KIF13B: variants seen among roughly 807,000 people sequenced by gnomAD.
The protein encoded by KIF13B is kinesin-like protein KIF13B.
KIF13B carries 127 observed loss-of-function variants against 222.0 expected under a neutral mutation model. The ratio of observed to expected loss-of-function variants is 0.57; its 90% CI spans 0.50 to 0.66. KIF13B has a LOEUF of 0.66. KIF13B is among the 30% of genes least tolerant of loss of function. KIF13B has a pLI of 0.00. For synonymous variants in KIF13B, 976 were observed against 919.0 expected (o/e 1.06, Z -1.12); for missense variants, 2,173 against 2,379.0 (o/e 0.91, Z 1.80).
rs185174132 is a variant in KIF13B at position 29,197,512 on chromosome 8, C to T, written c.150-1313G>A. Among the ~76,000 whole-genome samples the T allele has an allele frequency of 1.1e-4, 16 of 150,964 alleles. No individual in the cohort carries two copies. In the East Asian group the frequency reaches 3.1e-3, roughly 29 times the overall value. ...TTTTCTCCTTCTCCTTCCCTTTCCC[C>T]CAAGGATTTATATGAATAAATACAC... On this transcript the variant is annotated intron_variant, in intron 2 of 39. Transcript: ENST00000524189.
intron 2 of KIF13B, among the ~76,000 whole-genome samples, chr8:29,231,288 T>C (rs2130586768): frequency 6.6e-6 from 1 of 152,326 alleles, no homozygotes; most frequent in South Asian, 2.1e-4. Flanking sequence ...AAATCTTACA[T>C]TCAGAGAAGG....
intron 8 of KIF13B, among the ~76,000 whole-genome samples, chr8:29,178,582 T>G (rs1446021958): frequency 6.6e-6 from 1 of 151,858 alleles, no homozygotes; most frequent in East Asian, 1.9e-4. Flanking sequence ...AAAATAGACA[T>G]TTATTTCCAT....
At chr8:29,205,896 A>G (rs567731524) in intron 2 of KIF13B, among the ~76,000 whole-genome samples, 103 of 143,512 alleles carry the variant, frequency 7.2e-4, no homozygotes, top group African/African-American at 2.7e-3. Flanking sequence ...CAGCCTGCAT[A>G]ACATAGCAAA....
At chr8:29,145,217 T>C (rs2129971157) in intron 18 of KIF13B, among the ~76,000 whole-genome samples, 1 of 152,322 alleles carries the variant, frequency 6.6e-6, no homozygotes, top group East Asian at 1.9e-4. Context: ...CAATGATCTG[T>C]AAAGTAACGA....
At chr8:29,257,254 A>T (rs1455053078) in intron 1 of KIF13B, among the ~76,000 whole-genome samples, 1 of 152,136 alleles carries the variant, frequency 6.6e-6, no homozygotes, top group Non-Finnish European at 1.5e-5. Flanking sequence ...CATACAGTTA[A>T]GTCATGGACT....
chr8:29,173,868 A>G (rs1812360586), intron 10 of KIF13B, among the ~76,000 whole-genome samples: 1 of 149,618 alleles, frequency 6.7e-6, no homozygotes, highest in East Asian at 2.0e-4. Flanking sequence ...CGCTTGATCC[A>G]GGAGGTGGAA....
chr8:29,138,807 C>G (rs1249654080), intron 21 of KIF13B, among the ~76,000 whole-genome samples: 3 of 152,158 alleles, frequency 2.0e-5, no homozygotes, highest in Middle Eastern at 3.4e-3. Flanking sequence ...AGAAAGCGAG[C>G]GAGTGAGAGA....
At chr8:29,075,210 T>C (rs1296303681) in intron 38 of KIF13B, 71 bp downstream of exon 38, 4 of 1,225,130 alleles carry the variant, frequency 3.3e-6, no homozygotes, top group Non-Finnish European at 3.5e-6. Context: ...GGGTGTGGAC[T>C]CAACAGTTTC....
intron 2 of KIF13B, among the ~76,000 whole-genome samples, chr8:29,218,745 T>A (rs926156236): frequency 1.3e-5 from 2 of 152,354 alleles, no homozygotes; most frequent in South Asian, 2.1e-4. Context: ...AAACGTGGTA[T>A]ACTCTGATGC....
At chr8:29,173,479 A>T (rs530152091) in intron 10 of KIF13B, among the ~76,000 whole-genome samples, 12 of 149,886 alleles carry the variant, frequency 8.0e-5, no homozygotes, top group African/African-American at 2.9e-4. Flanking sequence ...AAAAAAAAAA[A>T]ATTGCTAGGC....
At chr8:29,116,741 G>C (rs932663705) in intron 31 of KIF13B, 90 bp downstream of exon 31, 13 of 1,258,804 alleles carry the variant, frequency 1.0e-5, no homozygotes, top group Non-Finnish European at 1.4e-5. Context: ...CCGGGAGCCT[G>C]TTTGGACAGA....
intron 2 of KIF13B, among the ~76,000 whole-genome samples, chr8:29,209,273 A>C (rs1814098422): frequency 6.6e-6 from 1 of 152,200 alleles, no homozygotes; most frequent in Admixed American, 6.5e-5. Context: ...CAGGCTACAG[A>C]AAGAACAGGC....
At chr8:29,076,715 G>C (rs933370341) in intron 37 of KIF13B, among the ~76,000 whole-genome samples, 11 of 152,202 alleles carry the variant, frequency 7.2e-5, no homozygotes, top group African/African-American at 2.7e-4. Context: ...AAGTATAAGA[G>C]GGAATTGATT....
At chr8:29,073,880 A>G (rs1297950479) in intron 38 of KIF13B, among the ~76,000 whole-genome samples, 3 of 152,234 alleles carry the variant, frequency 2.0e-5, no homozygotes, top group Non-Finnish European at 4.4e-5. Context: ...CTAGGCTGCA[A>G]AATTTACTCA....
chr8:29,202,330 T>C (rs1439202168), intron 2 of KIF13B, among the ~76,000 whole-genome samples: 1 of 152,146 alleles, frequency 6.6e-6, no homozygotes, highest in East Asian at 1.9e-4. Flanking sequence ...ATTTTATTGT[T>C]GTTTTGAGAC....
rs991978469 is a variant in KIF13B at position 29,143,954 on chromosome 8, T to C, written c.2188-1651A>G. 5.9e-4 allele frequency among the ~76,000 whole-genome samples: 90 copies of C among 151,936 alleles called. 1 individual carries two copies. Among genetic ancestry groups the C allele is most frequent in the African/African-American group, 2.1e-3 (86 of 41,400 alleles). On this transcript the variant is annotated intron_variant, in intron 18 of 39. Transcript: ENST00000524189. ...AAGTTTTTCCAGCTTATAAGAGCAA[T>C]GTGGATTTTTTTCAGAGTAGAACTT...
chr8:29,086,336 G>C (rs1449678378), intron 37 of KIF13B, among the ~76,000 whole-genome samples: 6 of 152,152 alleles, frequency 3.9e-5, no homozygotes, highest in African/African-American at 1.4e-4. Context: ...TGACTAAGCC[G>C]GAGGATTACT....
At chr8:29,123,986 T>C in intron 27 of KIF13B, 38 bp downstream of exon 27, 2 of 1,277,796 alleles carry the variant, frequency 1.6e-6, no homozygotes, top group East Asian at 2.3e-5. Flanking sequence ...TATGCATTGA[T>C]TTGCAGGGGA....
chr8:29,141,342 A>C (rs1810810189), intron 19 of KIF13B, among the ~76,000 whole-genome samples: 1 of 152,194 alleles, frequency 6.6e-6, no homozygotes, highest in Admixed American at 6.5e-5. Flanking sequence ...TAAAAAAAAA[A>C]AAAGGTGAGC....
Sources: allele counts gnomAD v4.1 joint callset (sites outside exome capture counted in the v4.1 genomes callset), GRCh38; gene constraint gnomAD v4.1.1; transcripts MANE v1.5; gene names NCBI Gene and HGNC (gene_info 2026-07-23, HGNC 2026-07-21).